Variants in RBFOX1 observed in about 807,000 individuals in gnomAD.
RBFOX1 encodes the protein RNA binding protein fox-1 homolog 1.
Under a neutral mutation model 57.7 loss-of-function variants are expected in RBFOX1, and 8 were observed. The ratio of observed to expected loss-of-function variants is 0.14; its 90% CI spans 0.08 to 0.25. The LOEUF (loss-of-function observed/expected upper bound fraction) is 0.25. Among genes scored for constraint, RBFOX1 ranks in the 10% least tolerant of loss-of-function variants. The pLI, the probability that RBFOX1 is intolerant of heterozygous loss-of-function variation, is 1.00. For missense variants in RBFOX1, 611 were observed against 548.5 expected, an observed-to-expected ratio of 1.11 and a Z score of -1.14; for synonymous variants, 326 against 222.4, an observed-to-expected ratio of 1.47 and a Z score of -4.15.
intron 4 of RBFOX1, among the ~76,000 whole-genome samples, chr16:7,212,499 C>A (rs772434629): frequency 6.6e-6 from 1 of 152,008 alleles, no homozygotes; most frequent in Non-Finnish European, 1.5e-5. Flanking sequence ...TCAGGTACAC[C>A]CTAGAGTGGG....
At chr16:6,827,154 A>C (rs2092256754) in intron 3 of RBFOX1, among the ~76,000 whole-genome samples, 1 of 152,080 alleles carries the variant, frequency 6.6e-6, no homozygotes, top group African/African-American at 2.4e-5. Flanking sequence ...CCTAAAGAGG[A>C]CACTATTTTT....
At chr16:6,307,697 CATT>C (rs1415376347) in intron 1 of RBFOX1, among the ~76,000 whole-genome samples, 4 of 146,198 alleles carry the variant, frequency 2.7e-5, no homozygotes, top group Non-Finnish European at 4.5e-5. Context: ...AAATGATAAT[CATT>C]TATGTTATTT....
intron 2 of RBFOX1, among the ~76,000 whole-genome samples, chr16:6,457,626 A>G (rs1011430061): frequency 4.6e-5 from 7 of 152,140 alleles, no homozygotes; most frequent in East Asian, 1.9e-4. Context: ...AGACCTCCCA[A>G]TTAAGGACCC....
At chr16:6,942,732 C>G (rs1000501957) in intron 3 of RBFOX1, among the ~76,000 whole-genome samples, 2 of 152,152 alleles carry the variant, frequency 1.3e-5, no homozygotes, top group African/African-American at 4.8e-5. Context: ...CATTTAGAGA[C>G]TCTCTTGAGA....
chr16:5,703,832 G>A (rs1164830031), intron 3 of RBFOX1, among the ~76,000 whole-genome samples: 1 of 151,958 alleles, frequency 6.6e-6, no homozygotes, highest in Non-Finnish European at 1.5e-5. Flanking sequence ...CATGATGTAG[G>A]GATATTATTA....
chr16:6,706,568 T>C (rs1310336838), intron 3 of RBFOX1, among the ~76,000 whole-genome samples: 4 of 152,204 alleles, frequency 2.6e-5, no homozygotes, highest in African/African-American at 9.7e-5. Flanking sequence ...TACCTGTTTC[T>C]GGATGCTGGG....
intron 4 of RBFOX1, among the ~76,000 whole-genome samples, chr16:7,149,487 T>C (rs1400618985): frequency 9.8e-6 from 1 of 102,282 alleles, no homozygotes. Flanking sequence ...TCTTTCCTTT[T>C]TTTTTTTTTT....
intron 9 of RBFOX1, among the ~76,000 whole-genome samples, chr16:7,605,880 C>G (rs555649477): frequency 1.3e-5 from 2 of 152,136 alleles, no homozygotes; most frequent in South Asian, 2.1e-4. Context: ...ACTCTGTCAC[C>G]TAGGCTGGAG....
chr16:6,621,270 G>A (rs941402808), intron 2 of RBFOX1, among the ~76,000 whole-genome samples: 4 of 151,992 alleles, frequency 2.6e-5, no homozygotes, highest in African/African-American at 9.7e-5. Context: ...GAGTATCTTG[G>A]CTAACACGGT....
Position 5,750,757 on chromosome 16 carries a change from G to A in RBFOX1, c.319-116546G>A, listed in dbSNP as rs193282193. ...GGAGTGACCCAATTTTCCAGGTGCC[G>A]TCTGCCACAGCTTCCCTTGGCTAGG... is the stretch of plus-strand genomic sequence containing the variant. On this transcript the variant is annotated intron_variant, in intron 3 of 19. Transcript: ENST00000641259. Among the ~76,000 whole-genome samples, 143 of 152,292 alleles carry A rather than the reference G, an allele frequency of 9.4e-4. 1 individual carries two copies. Among genetic ancestry groups the A allele is most frequent in the Middle Eastern group, 3.4e-3 (1 of 294 alleles).
chr16:5,832,999 T>A (rs542751530), intron 3 of RBFOX1, among the ~76,000 whole-genome samples: 5 of 152,204 alleles, frequency 3.3e-5, no homozygotes, highest in Non-Finnish European at 5.9e-5. Context: ...GAGAATCAGG[T>A]GAAAGCCACC....
intron 4 of RBFOX1, among the ~76,000 whole-genome samples, chr16:5,973,367 A>G (rs1301424636): frequency 6.6e-6 from 1 of 152,148 alleles, no homozygotes; most frequent in Non-Finnish European, 1.5e-5. Flanking sequence ...CCAACCTGCT[A>G]TTTTTCTGAC....
chr16:7,000,824 G>A (rs914552615), intron 3 of RBFOX1, among the ~76,000 whole-genome samples: 6 of 151,778 alleles, frequency 4.0e-5, no homozygotes, highest in East Asian at 3.9e-4. Flanking sequence ...GGATGCTCTC[G>A]ATCTCCTGAC....
At chr16:6,860,123 C>G (rs1354899095) in intron 3 of RBFOX1, among the ~76,000 whole-genome samples, 1 of 152,164 alleles carries the variant, frequency 6.6e-6, no homozygotes, top group African/African-American at 2.4e-5. Context: ...TAGCTGTGCG[C>G]TAGCTGTTCA....
At chr16:5,537,326 C>G (rs1037316432) in intron 2 of RBFOX1, among the ~76,000 whole-genome samples, 11 of 152,198 alleles carry the variant, frequency 7.2e-5, no homozygotes, top group African/African-American at 2.7e-4. Context: ...TTTGTTACAG[C>G]AGCACATCAC....
At position 7,400,967 on chromosome 16, in the gene RBFOX1, C is replaced by A. The variant is rs191928249; in HGVS notation, c.28-117180C>A. Among the ~76,000 whole-genome samples, 4 of 152,174 alleles carry A rather than the reference C, an allele frequency of 2.6e-5. No homozygotes were observed. In the South Asian group the frequency reaches 6.2e-4, roughly 24 times the overall value. On this transcript the variant is annotated intron_variant, in intron 4 of 15. Coordinates refer to ENST00000550418, the MANE Select transcript of RBFOX1 (RefSeq NM_018723.4). ...CGGTATTTTATTTCTAATATGTTAC[C>A]CTGCCAACCTTGGAACCCCGCATGA... is the stretch of plus-strand genomic sequence containing the variant.
chr16:5,730,048 G>C (rs1043994954), intron 3 of RBFOX1, among the ~76,000 whole-genome samples: 6 of 152,174 alleles, frequency 3.9e-5, no homozygotes, highest in African/African-American at 1.4e-4. Context: ...ATTCCACTTT[G>C]AGTATCACAC....
At chr16:6,683,973 T>C (rs1451310822) in intron 3 of RBFOX1, among the ~76,000 whole-genome samples, 1 of 152,208 alleles carries the variant, frequency 6.6e-6, no homozygotes, top group African/African-American at 2.4e-5. Context: ...CCTTCTTTTC[T>C]CCATGTTACC....
At chr16:6,716,278 T>C (rs746187662) in intron 3 of RBFOX1, among the ~76,000 whole-genome samples, 1 of 152,176 alleles carries the variant, frequency 6.6e-6, no homozygotes, top group Non-Finnish European at 1.5e-5. Flanking sequence ...CACAAAGCCA[T>C]CGTTGCTTTT....
Sources: allele counts gnomAD v4.1 joint callset (sites outside exome capture counted in the v4.1 genomes callset), GRCh38; gene constraint gnomAD v4.1.1; transcripts MANE v1.5; gene names NCBI Gene and HGNC (gene_info 2026-07-23, HGNC 2026-07-21).